The following TENM3 variants were observed in gnomAD, a reference collection of about 807,000 sequenced individuals.
TENM3 encodes the protein teneurin-3.
A neutral mutation model predicts 255.1 loss-of-function variants in TENM3; 63 were observed. That is an observed-to-expected ratio of 0.25 (90% CI 0.20 to 0.30). TENM3 has a LOEUF of 0.30. TENM3 is among the 10% of genes least tolerant of loss of function. The probability of loss-of-function intolerance (pLI) is 1.00; values close to 1 mark genes in which losing one functional copy is unlikely to be tolerated. For synonymous variants in TENM3, 1,306 were observed against 1,322.3 expected (o/e 0.99, Z 0.27); for missense variants, 2,929 against 3,461.1 (o/e 0.85, Z 3.86).
the TENM3 span, among the ~76,000 whole-genome samples, chr4:181,788,586 C>A: frequency 6.6e-6 from 1 of 152,044 alleles, no homozygotes; most frequent in Admixed American, 6.6e-5. Flanking sequence ...AAGTGTCTCC[C>A]ATCTTCTCAT....
rs1758356959 is a variant in TENM3, at chr4:182,707,359, G to A, written c.2222-6728G>A. Among the ~76,000 whole-genome samples, 2 of 152,080 alleles carry A rather than the reference G, an allele frequency of 1.3e-5. 1 individual carries two copies. Among genetic ancestry groups the A allele is most frequent in the South Asian group, 4.1e-4 (2 of 4,820 alleles). On this transcript the variant is annotated intron_variant, in intron 12 of 27. Coordinates refer to ENST00000511685, the MANE Select transcript of TENM3 (RefSeq NM_001080477.4). The stretch of plus-strand genomic sequence containing the variant: ...TATTCCTTCCTGATCTGTATGGGAG[G>A]AATGAAGCATACAATACTATATATG...
intron 5 of TENM3, among the ~76,000 whole-genome samples, chr4:182,652,958 A>C (rs1256676430): frequency 6.6e-6 from 1 of 152,206 alleles, no homozygotes; most frequent in Non-Finnish European, 1.5e-5. Context: ...AATAGCATTG[A>C]TAAATTAAGA....
chr4:181,948,281 T>C, the TENM3 span, among the ~76,000 whole-genome samples: 1 of 152,332 alleles, frequency 6.6e-6, no homozygotes, highest in South Asian at 2.1e-4. Flanking sequence ...CTATTGGTTG[T>C]ATATAGAACA....
At chr4:181,572,958 C>A in the TENM3 span, among the ~76,000 whole-genome samples, 2 of 152,108 alleles carry the variant, frequency 1.3e-5, no homozygotes, top group Non-Finnish European at 2.9e-5. Flanking sequence ...ATGGTTTTAA[C>A]TTTTAGCTCC....
intron 4 of TENM3, among the ~76,000 whole-genome samples, chr4:182,623,610 G>A (rs1199861540): frequency 2.6e-5 from 4 of 152,148 alleles, no homozygotes; most frequent in Admixed American, 2.6e-4. Flanking sequence ...GATTACAGGT[G>A]TGAGCCACCG....
the TENM3 span, among the ~76,000 whole-genome samples, chr4:181,911,251 C>T: frequency 6.0e-3 from 917 of 152,250 alleles, 10 homozygotes; most frequent in African/African-American, 0.021. Context: ...TTCCAATGAA[C>T]TCCAAAGAAA....
chr4:182,656,979 G>A (rs1753813223), intron 6 of TENM3, among the ~76,000 whole-genome samples: 1 of 152,146 alleles, frequency 6.6e-6, no homozygotes. Context: ...TGATGGAAAT[G>A]GACAAAGTGA....
the TENM3 span, among the ~76,000 whole-genome samples, chr4:182,014,384 C>T: frequency 2.6e-5 from 4 of 151,990 alleles, no homozygotes; most frequent in Non-Finnish European, 5.9e-5. Flanking sequence ...TTTCCCAAAA[C>T]ACCTAGACTA....
chr4:181,810,261 T>C, the TENM3 span, among the ~76,000 whole-genome samples: 2 of 152,084 alleles, frequency 1.3e-5, no homozygotes, highest in African/African-American at 2.4e-5. Flanking sequence ...ACTTAACCTC[T>C]GAACCTCAGT....
intron 1 of TENM3, among the ~76,000 whole-genome samples, chr4:182,203,728 T>C (rs1291083762): frequency 6.6e-6 from 1 of 152,192 alleles, no homozygotes; most frequent in Non-Finnish European, 1.5e-5. Context: ...CTACAGTTCT[T>C]GCTCCATTGG....
the TENM3 span, among the ~76,000 whole-genome samples, chr4:181,517,284 A>G: frequency 2.1e-3 from 320 of 152,272 alleles, 9 homozygotes; most frequent in South Asian, 0.043. Flanking sequence ...ATCTGACTCA[A>G]TTTTCAGCCT....
At chr4:182,229,904 C>T (rs943867403) in intron 1 of TENM3, among the ~76,000 whole-genome samples, 3 of 152,044 alleles carry the variant, frequency 2.0e-5, no homozygotes, top group Non-Finnish European at 2.9e-5. Context: ...AAGGCACTGT[C>T]GTTAGTTATC....
chr4:182,611,655 AT>A (rs1749017394), intron 4 of TENM3, among the ~76,000 whole-genome samples: 1 of 152,164 alleles, frequency 6.6e-6, no homozygotes, highest in South Asian at 2.1e-4. Flanking sequence ...GATGACATAC[AT>A]TTATTTTGCA....
chr4:182,511,562 A>G (rs145177442), intron 3 of TENM3, among the ~76,000 whole-genome samples: 2 of 152,302 alleles, frequency 1.3e-5, no homozygotes, highest in East Asian at 3.9e-4. Context: ...TCTGAAGAGA[A>G]CTTCAGTGTA....
intron 3 of TENM3, among the ~76,000 whole-genome samples, chr4:182,497,520 CA>C (rs756885124): frequency 4.8e-4 from 73 of 152,118 alleles, no homozygotes; most frequent in Admixed American, 9.2e-4. Context: ...ACATTTTACA[CA>C]TATCACTTTA....
At chr4:181,621,863 C>A in the TENM3 span, among the ~76,000 whole-genome samples, 1 of 152,110 alleles carries the variant, frequency 6.6e-6, no homozygotes, top group Non-Finnish European at 1.5e-5. Flanking sequence ...AAAGCTTAAG[C>A]AGCTGGGAGG....
chr4:182,621,973 C>G (rs544035537), intron 4 of TENM3, among the ~76,000 whole-genome samples: 2 of 149,968 alleles, frequency 1.3e-5, no homozygotes, highest in African/African-American at 2.5e-5. Context: ...AATGTTAGAA[C>G]AAATAACAAA....
At chr4:182,033,512 T>C in the TENM3 span, among the ~76,000 whole-genome samples, 2 of 152,172 alleles carry the variant, frequency 1.3e-5, no homozygotes, top group East Asian at 3.9e-4. Flanking sequence ...GTATATTCTG[T>C]TGTTTTTCGA....
chr4:182,629,280 G>A (rs1298095542), intron 5 of TENM3, among the ~76,000 whole-genome samples: 2 of 152,056 alleles, frequency 1.3e-5, no homozygotes, highest in African/African-American at 4.8e-5. Context: ...TTGTGATATT[G>A]TAAGTCTCTC....
Sources: allele counts gnomAD v4.1 joint callset (sites outside exome capture counted in the v4.1 genomes callset), GRCh38; gene constraint gnomAD v4.1.1; transcripts MANE v1.5; gene names NCBI Gene and HGNC (gene_info 2026-07-23, HGNC 2026-07-21).